Variants in FGFR2 observed in about 807,000 individuals in gnomAD.
The protein encoded by FGFR2 is BEK fibroblast growth factor receptor.
Under a neutral mutation model 95.9 loss-of-function variants are expected in FGFR2, and 19 were observed. The observed-to-expected ratio is 0.20, with a 90% CI of 0.14 to 0.29. The LOEUF (loss-of-function observed/expected upper bound fraction) is 0.29, where lower values mean the gene tolerates loss of function less well. FGFR2 is among the 10% of genes least tolerant of loss of function. FGFR2 has a pLI of 1.00. For missense variants in FGFR2, 707 were observed against 1,056.9 expected, an observed-to-expected ratio of 0.67 and a Z score of 4.59; for synonymous variants, 392 against 393.3, an observed-to-expected ratio of 1.00 and a Z score of 0.04.
At chr10:121,526,705 G>C (rs1851415911) in intron 6 of FGFR2, 1 of 398,500 alleles carries the variant, frequency 2.5e-6, no homozygotes, top group Non-Finnish European at 4.4e-6. Flanking sequence ...TGAGTGGGCT[G>C]GGATGCTGGG....
At chr10:121,589,974 T>C (rs779602923) in intron 2 of FGFR2, among the ~76,000 whole-genome samples, 4 of 152,258 alleles carry the variant, frequency 2.6e-5, no homozygotes, top group Non-Finnish European at 5.9e-5. Flanking sequence ...TGGTTAATAT[T>C]ATGGCATTTA....
At chr10:121,566,329 T>C (rs1186352758) in intron 2 of FGFR2, among the ~76,000 whole-genome samples, 1 of 152,130 alleles carries the variant, frequency 6.6e-6, no homozygotes, top group Admixed American at 6.5e-5. Context: ...AGACCTGCTG[T>C]TTTCCCAAAA....
intron 2 of FGFR2, among the ~76,000 whole-genome samples, chr10:121,575,736 A>C (rs1057432022): frequency 4.6e-5 from 7 of 151,878 alleles, no homozygotes; most frequent in African/African-American, 1.7e-4. Context: ...CACCCCTGTA[A>C]TCCCAGCTAC....
Position 121,518,811 on chromosome 10 carries a change from A to G in FGFR2, c.939+1168T>C. 1 of 1,614,132 alleles carries G rather than the reference A, an allele frequency of 6.2e-7. No individual in the cohort carries two copies. Among genetic ancestry groups the G allele is most frequent in the Non-Finnish European group, 8.5e-7 (1 of 1,180,002 alleles). On this transcript the variant is annotated intron_variant, in intron 7 of 17. Transcript: ENST00000358487. This position sits in a 1 kb window ranked among gnomAD's most constrained non-coding sequence, Gnocchi z 4.0. ...AACAGAGCCAGCACTTCTGCATTGG[A>G]ACTATTTATCCCCGAGTGCTAGAAC... is the stretch of plus-strand genomic sequence containing the variant.
At chr10:121,552,395 T>C (rs150382039) in intron 4 of FGFR2, among the ~76,000 whole-genome samples, 1 of 152,338 alleles carries the variant, frequency 6.6e-6, no homozygotes, top group East Asian at 1.9e-4. Flanking sequence ...TTTTTACATG[T>C]CAACACATTA....
At chr10:121,549,616 T>C (rs1457591193) in intron 5 of FGFR2, among the ~76,000 whole-genome samples, 4 of 152,112 alleles carry the variant, frequency 2.6e-5, no homozygotes, top group Non-Finnish European at 1.5e-5. Flanking sequence ...CTCTGACTTC[T>C]GCGATCCTGC....
chr10:121,550,431 G>A lies in FGFR2; in HGVS notation c.624+859C>T, dbSNP rs551768357. On this transcript the variant is annotated intron_variant, in intron 5 of 17. Transcript: ENST00000358487. ...ATGAACAAAGGCTAGAGGAGCATGC[G>A]CGGGCATCTGCAGGGAGACAGCTGC... is the stretch of plus-strand genomic sequence containing the variant. 1.2e-4 allele frequency among the ~76,000 whole-genome samples: 18 copies of A among 152,166 alleles called. No individual in the cohort carries two copies. In the South Asian group the frequency reaches 1.9e-3, roughly 16 times the overall value.
intron 5 of FGFR2, among the ~76,000 whole-genome samples, chr10:121,541,232 A>G (rs1255532787): frequency 2.0e-5 from 3 of 152,164 alleles, no homozygotes; most frequent in African/African-American, 7.2e-5. Flanking sequence ...AGTGCTGTTA[A>G]TATTTATTTT....
intron 6 of FGFR2, among the ~76,000 whole-genome samples, chr10:121,523,043 T>C (rs1180084428): frequency 2.0e-5 from 3 of 152,238 alleles, no homozygotes; most frequent in African/African-American, 4.8e-5. Flanking sequence ...CATGTGCAAA[T>C]TGACTTTACT....
chr10:121,523,109 T>C (rs1310409355), intron 6 of FGFR2, among the ~76,000 whole-genome samples: 1 of 152,212 alleles, frequency 6.6e-6, no homozygotes, highest in Non-Finnish European at 1.5e-5. Context: ...TGGTTACTCT[T>C]AGCACATTTC....
intron 6 of FGFR2, among the ~76,000 whole-genome samples, chr10:121,528,730 G>A (rs1851710319): frequency 6.6e-6 from 1 of 152,140 alleles, no homozygotes; most frequent in South Asian, 2.1e-4. Flanking sequence ...ATACTTCTAA[G>A]TACAGCATGA....
At chr10:121,576,431 T>A (rs368607067) in intron 2 of FGFR2, among the ~76,000 whole-genome samples, 1 of 152,112 alleles carries the variant, frequency 6.6e-6, no homozygotes, top group Non-Finnish European at 1.5e-5. Context: ...AGCTGGTACA[T>A]CTCCAGCCCT....
chr10:121,585,970 C>T (rs1363335035), intron 2 of FGFR2, among the ~76,000 whole-genome samples: 1 of 152,134 alleles, frequency 6.6e-6, no homozygotes, highest in Admixed American at 6.5e-5. Context: ...TAAGGGTGTT[C>T]AAAGAGTTTA....
chr10:121,539,432 T>G (rs1472888276), intron 5 of FGFR2, among the ~76,000 whole-genome samples: 1 of 152,212 alleles, frequency 6.6e-6, no homozygotes, highest in Non-Finnish European at 1.5e-5. Context: ...AAGCAGCACA[T>G]GTGAAAATCA....
rs115384186 is a variant in FGFR2, at chr10:121,580,008, A to G, written c.109+13701T>C. Among the ~76,000 whole-genome samples, 1,111 of 152,280 alleles carry G rather than the reference A, an allele frequency of 7.3e-3. 13 individuals carry two copies. The highest frequency in any genetic ancestry group is 0.021 in the African/African-American group (868 of 41,556). On this transcript the variant is annotated intron_variant, in intron 2 of 17. Transcript: ENST00000358487. ...GATGTAAACATTCAATAAATGGTGC[A>G]TACTCCAGCGGATACGTTTGCCCTG...
In FGFR2 at chr10:121,478,488, G is replaced by A. The variant is rs886046759; in HGVS notation, c.*1369C>T. The stretch of plus-strand genomic sequence containing the variant: ...AGTGTAATCTGCATTCATCTTGCAC[G>A]GCTATTGCAAAGTGAGTGGGTGTTT... On this transcript the variant is annotated 3_prime_UTR_variant, in exon 18 of 18. Coordinates refer to ENST00000358487, the MANE Select transcript of FGFR2 (RefSeq NM_000141.5). The A allele has an allele frequency of 1.3e-5, 3 of 233,300 alleles. No individual in the cohort carries two copies. Among genetic ancestry groups the A allele is most frequent in the Middle Eastern group, 1.3e-3 (1 of 786 alleles). 14.5% of individuals were successfully genotyped at this position (233,300 alleles called of 1,614,324 possible).
intron 2 of FGFR2, among the ~76,000 whole-genome samples, chr10:121,579,079 T>C (rs1284471974): frequency 6.6e-6 from 1 of 152,176 alleles, no homozygotes; most frequent in Non-Finnish European, 1.5e-5. Context: ...CTGCCAGTAG[T>C]GAACGTGTCA....
chr10:121,570,291 C>T (rs1042926350), intron 2 of FGFR2, among the ~76,000 whole-genome samples: 5 of 152,332 alleles, frequency 3.3e-5, no homozygotes, highest in African/African-American at 1.2e-4. Context: ...TGCAAACATG[C>T]ACTCCCTGAG....
chr10:121,577,176 T>TAGAGAGAGAGAGAG (rs1278087472), intron 2 of FGFR2, among the ~76,000 whole-genome samples: 96 of 7,482 alleles, frequency 0.013, 1 homozygote, highest in Admixed American at 0.038. Flanking sequence ...TATATATATA[T>TAGAGAGAGAGAGAG]ATAGAGAGAG....
Sources: gnomAD v4.1 joint callset for allele counts (sites outside exome capture counted in the v4.1 genomes callset) on GRCh38, gnomAD v4.1.1 for gene constraint, Gnocchi (gnomAD v3.1) non-coding constraint, MANE v1.5 for transcripts, NCBI Gene and HGNC (gene_info 2026-07-23, HGNC 2026-07-21) for gene names.